PCDHA6: variants seen among roughly 807,000 people sequenced by gnomAD.
PCDHA6 encodes protocadherin alpha 6.
PCDHA6 carries 55 observed loss-of-function variants against 60.3 expected under a neutral mutation model. That is an observed-to-expected ratio of 0.91 (90% CI 0.73 to 1.14). PCDHA6 has a LOEUF of 1.14. Ranked by LOEUF, PCDHA6 falls within the 50% of genes most tolerant of loss-of-function variation. The pLI, the probability that PCDHA6 is intolerant of heterozygous loss-of-function variation, is 0.00. For missense variants in PCDHA6, 1,327 were observed against 1,256.5 expected (o/e 1.06, Z -0.85); for synonymous variants, 652 against 557.9 (o/e 1.17, Z -2.38).
chr5:140,992,971 T>C (rs1186217726), intron 3 of PCDHA6, among the ~76,000 whole-genome samples: 17 of 152,166 alleles, frequency 1.1e-4, no homozygotes, highest in Admixed American at 1.1e-3. Flanking sequence ...CTGCTGACAA[T>C]GATTAGGCCA....
intron 1 of PCDHA6, chr5:140,850,230 G>T (rs2150474720): frequency 6.3e-7 from 1 of 1,594,052 alleles, no homozygotes; most frequent in South Asian, 1.1e-5. Flanking sequence ...CGCAGTGAGC[G>T]AGATGGTGCT....
chr5:140,869,245 A>T (rs782617385), intron 1 of PCDHA6: 14 of 1,613,510 alleles, frequency 8.7e-6, no homozygotes, highest in Non-Finnish European at 1.2e-5. Flanking sequence ...CGTGGGCCGC[A>T]TCGCGCAGGA....
chr5:140,861,496 T>C (rs2153222110), intron 1 of PCDHA6: 1 of 486,240 alleles, frequency 2.1e-6, no homozygotes, highest in Non-Finnish European at 4.2e-6. Context: ...AGTTCTCTGA[T>C]AGACCTCGAG....
At position 140,883,742 on chromosome 5, in the gene PCDHA6, T is replaced by C. The variant is rs782074620; in HGVS notation, c.2394+53257T>C. 8 of 1,613,220 alleles carry C rather than the reference T, an allele frequency of 5.0e-6. No homozygotes were observed. In the African/African-American group the frequency reaches 8.0e-5, roughly 16 times the overall value. ...CGCACAGGAGAACGCGCTGGTCTCC[T>C]ACTCGCTGGTGGAGCGGCGGGTGGG... On this transcript the variant is annotated intron_variant, in intron 1 of 3. Transcript: ENST00000529310.
intron 3 of PCDHA6, among the ~76,000 whole-genome samples, chr5:140,988,486 T>C (rs2153874124): frequency 6.6e-6 from 1 of 152,286 alleles, no homozygotes; most frequent in South Asian, 2.1e-4. Context: ...TAGCATCCCC[T>C]ACCTAGGAGA....
At chr5:140,847,479 A>G (rs1229726594) in intron 1 of PCDHA6, 1 of 149,940 alleles carries the variant, frequency 6.7e-6, no homozygotes, top group East Asian at 1.9e-4. Flanking sequence ...ACGTTGGAAT[A>G]AGATAGTAAA....
intron 1 of PCDHA6, among the ~76,000 whole-genome samples, chr5:140,954,881 C>T (rs2095105725): frequency 6.6e-6 from 1 of 152,092 alleles, no homozygotes; most frequent in Non-Finnish European, 1.5e-5. Flanking sequence ...CCTAGCTTTT[C>T]TTCTAGGGTT....
intron 1 of PCDHA6, chr5:140,857,217 C>T: frequency 1.9e-6 from 3 of 1,598,492 alleles, no homozygotes; most frequent in South Asian, 2.2e-5. Flanking sequence ...TCTCTGACGC[C>T]TCACGTTCCG....
At chr5:140,951,941 C>T (rs576414648) in intron 1 of PCDHA6, among the ~76,000 whole-genome samples, 8 of 152,220 alleles carry the variant, frequency 5.3e-5, no homozygotes, top group African/African-American at 1.4e-4. Flanking sequence ...AGATACAGTG[C>T]GGGTACAGGC....
intron 1 of PCDHA6, chr5:140,884,038 G>A (rs1554181095): frequency 6.2e-7 from 1 of 1,613,432 alleles, no homozygotes; most frequent in South Asian, 1.1e-5. Context: ...CAGGCCACGT[G>A]GTGGCGAAGG....
chr5:140,944,608 G>A (rs2093673405), intron 1 of PCDHA6, among the ~76,000 whole-genome samples: 1 of 152,176 alleles, frequency 6.6e-6, no homozygotes, highest in Non-Finnish European at 1.5e-5. Flanking sequence ...AGAGTAGTGT[G>A]CTGTAGAAGT....
intron 1 of PCDHA6, among the ~76,000 whole-genome samples, chr5:140,904,512 C>A (rs1251570223): frequency 2.0e-5 from 3 of 151,738 alleles, no homozygotes; most frequent in African/African-American, 7.3e-5. Flanking sequence ...GTGAATTGTG[C>A]TGCTATAAAC....
At chr5:140,993,538 A>T (rs1175611433) in intron 3 of PCDHA6, among the ~76,000 whole-genome samples, 1 of 151,668 alleles carries the variant, frequency 6.6e-6, no homozygotes, top group Non-Finnish European at 1.5e-5. Context: ...AGAGAGAGAG[A>T]TAGAGAAGTG....
intron 1 of PCDHA6, chr5:140,841,237 C>A (rs1428420937): frequency 1.4e-5 from 21 of 1,479,664 alleles, no homozygotes; most frequent in Non-Finnish European, 1.9e-5. Context: ...GGAGATGCAG[C>A]GGAATTGGAT....
At position 140,829,707 on chromosome 5, in the gene PCDHA6, AC is replaced by A. The variant is rs2150172944; in HGVS notation, c.1617del (p.Asp539GlufsTer11). On this transcript the variant is annotated frameshift_variant, in exon 1 of 4. Transcript: ENST00000529310. LOFTEE classifies it high-confidence loss of function. ...ELLQFQVSAR[D>X]AGVPPLGSNV... ...CTGCAGTTTCAGGTGAGCGCGCGCG[AC>A]GCGGGCGTGCCGCCTCTGGGCAGCA... is the stretch of plus-strand genomic sequence containing the variant. 3.1e-6 allele frequency: 5 copies of A among 1,613,270 alleles called. No individual in the cohort carries two copies. In the East Asian group the frequency reaches 1.1e-4, roughly 36 times the overall value.
intron 1 of PCDHA6, chr5:140,851,545 G>T (rs912054365): frequency 2.4e-5 from 22 of 908,160 alleles, no homozygotes; most frequent in Non-Finnish European, 2.7e-5. Flanking sequence ...GATAATTCAA[G>T]AAATGTTGAC....
At chr5:141,003,668 A>G (rs1353003376) in intron 3 of PCDHA6, among the ~76,000 whole-genome samples, 1 of 152,196 alleles carries the variant, frequency 6.6e-6, no homozygotes, top group Non-Finnish European at 1.5e-5. Context: ...ATTAAAATAT[A>G]TGTTGTTCTG....
At chr5:140,983,062 G>A (rs575564004) in intron 3 of PCDHA6, among the ~76,000 whole-genome samples, 2 of 152,168 alleles carry the variant, frequency 1.3e-5, no homozygotes, top group South Asian at 4.2e-4. Context: ...TCGGAACCAA[G>A]GCATTGTTTT....
At position 140,829,133 on chromosome 5, in the gene PCDHA6, C is replaced by T. The variant is rs1554131766; in HGVS notation, c.1042C>T (p.Pro348Ser). ...VRILDKNDNVPEIALTSLSLP... is the reference protein window; with the variant it reads ...VRILDKNDNVSEIALTSLSLP... ...AATTTTGGATAAAAATGATAACGTC[C>T]CTGAGATAGCACTGACTTCCTTATC... The change falls in exon 1 of 4, where the codon CCT (proline) becomes TCT (serine). Residue 348 changes from proline to serine, a missense_variant. Pro to Ser is a moderately conservative substitution (Grantham distance 74). Transcript: ENST00000529310. 6.2e-7 allele frequency: 1 copy of T among 1,612,836 alleles called. No homozygotes were observed. Among genetic ancestry groups the T allele is most frequent in the Admixed American group, 1.7e-5 (1 of 60,014 alleles).
Sources: allele counts gnomAD v4.1 joint callset (sites outside exome capture counted in the v4.1 genomes callset), GRCh38; gene constraint gnomAD v4.1.1; transcripts MANE v1.5; gene names NCBI Gene and HGNC (gene_info 2026-07-23, HGNC 2026-07-21).